The following APP variants were observed in gnomAD, a reference collection of about 807,000 sequenced individuals.
The protein encoded by APP is amyloid-beta precursor protein.
APP carries 31 observed loss-of-function variants against 101.4 expected under a neutral mutation model. That is an observed-to-expected ratio of 0.31 (90% CI 0.23 to 0.41). APP has a LOEUF of 0.41. APP is among the 10% of genes least tolerant of loss of function. The pLI is 1.00. For missense variants in APP, 839 were observed against 1,003.7 expected (o/e 0.84, Z 2.22); for synonymous variants, 366 against 364.4 (o/e 1.00, Z -0.05).
At chr21:25,957,215 A>G (rs1341960739) in intron 11 of APP, among the ~76,000 whole-genome samples, 2 of 152,140 alleles carry the variant, frequency 1.3e-5, no homozygotes, top group Non-Finnish European at 2.9e-5. Flanking sequence ...ACTTATTACA[A>G]CTCTCATCTG....
chr21:26,130,067 G>A (rs143353984), intron 1 of APP, among the ~76,000 whole-genome samples: 7 of 152,208 alleles, frequency 4.6e-5, no homozygotes, highest in Non-Finnish European at 7.4e-5. Flanking sequence ...ATATTGAAAC[G>A]TTGTGCTAAA....
chr21:26,015,607 C>G (rs2044019087), intron 6 of APP, among the ~76,000 whole-genome samples: 1 of 152,114 alleles, frequency 6.6e-6, no homozygotes, highest in Admixed American at 6.6e-5. Context: ...ACCATCTACA[C>G]TACACACATA....
chr21:26,077,995 T>C (rs2061530313), intron 3 of APP, among the ~76,000 whole-genome samples: 1 of 152,198 alleles, frequency 6.6e-6, no homozygotes, highest in African/African-American at 2.4e-5. Flanking sequence ...TAACAGCCTT[T>C]GACACTGAAA....
Position 26,170,553 on chromosome 21 carries a change from G to A in APP, c.57+11C>T. The A allele has an allele frequency of 6.5e-7, 1 of 1,537,474 alleles. No individual in the cohort carries two copies. ...GCAGCCTCCCCCCGCCTTCCGAGGC[G>A]CGGCACCCACCTCCAGCGCCCGAGC... On this transcript the variant is annotated intron_variant, in intron 1 of 17. Transcript: ENST00000346798.
intron 3 of APP, among the ~76,000 whole-genome samples, chr21:26,070,458 G>A (rs2046627227): frequency 6.6e-6 from 1 of 152,100 alleles, no homozygotes; most frequent in Non-Finnish European, 1.5e-5. Flanking sequence ...AATGCCCCTG[G>A]AGAATTTTGA....
intron 3 of APP, among the ~76,000 whole-genome samples, chr21:26,071,439 G>A (rs1044164088): frequency 6.6e-6 from 1 of 152,172 alleles, no homozygotes; most frequent in Non-Finnish European, 1.5e-5. Context: ...AAGCTTAAAA[G>A]TAAGGTCCTG....
At chr21:25,966,648 G>A (rs1332685397) in intron 11 of APP, among the ~76,000 whole-genome samples, 1 of 152,166 alleles carries the variant, frequency 6.6e-6, no homozygotes, top group African/African-American at 2.4e-5. Context: ...TTGCTTTGGA[G>A]ATATATGCTA....
intron 11 of APP, among the ~76,000 whole-genome samples, chr21:25,963,446 C>T (rs2041666632): frequency 2.0e-5 from 3 of 152,090 alleles, no homozygotes. Flanking sequence ...GTTTAAAAGC[C>T]CTGGGCATAA....
chr21:25,999,810 A>G (rs1352627017), intron 7 of APP, among the ~76,000 whole-genome samples: 3 of 152,212 alleles, frequency 2.0e-5, no homozygotes, highest in Non-Finnish European at 4.4e-5. Flanking sequence ...ATCCATGGCC[A>G]TGCTTTATCA....
At chr21:26,054,686 G>C (rs1245001397) in intron 3 of APP, among the ~76,000 whole-genome samples, 1 of 135,602 alleles carries the variant, frequency 7.4e-6, no homozygotes, top group Non-Finnish European at 1.5e-5. Flanking sequence ...GATCAGCATA[G>C]TGAAACCATG....
At chr21:26,153,183 T>C (rs926986677) in intron 1 of APP, among the ~76,000 whole-genome samples, 12 of 152,054 alleles carry the variant, frequency 7.9e-5, no homozygotes, top group African/African-American at 2.9e-4. Context: ...AAAGAAAAAC[T>C]AGACATTAGG....
At chr21:25,899,059 A>G (rs1225563064) in intron 15 of APP, among the ~76,000 whole-genome samples, 1 of 152,230 alleles carries the variant, frequency 6.6e-6, no homozygotes, top group Non-Finnish European at 1.5e-5. Flanking sequence ...CAATTGTTCA[A>G]AAAGCTTCCA....
chr21:26,137,301 G>A (rs1465369065), intron 1 of APP, among the ~76,000 whole-genome samples: 12 of 152,194 alleles, frequency 7.9e-5, no homozygotes, highest in African/African-American at 1.2e-4. Flanking sequence ...AGAAGGTTAA[G>A]GTTTCAATGA....
intron 15 of APP, among the ~76,000 whole-genome samples, chr21:25,900,987 C>CAAAAAAAAAAAAAAAA (rs71183520): frequency 3.9e-4 from 46 of 118,558 alleles, no homozygotes; most frequent in African/African-American, 1.9e-3. Flanking sequence ...GACTCCATCT[C>CAAAAAAAAAAAAAAAA]AAAAAAAAAA....
chr21:26,136,165 AAAGAAAAG>A (rs1439738655), intron 1 of APP, among the ~76,000 whole-genome samples: 9 of 43,772 alleles, frequency 2.1e-4, no homozygotes, highest in East Asian at 1.4e-3. Flanking sequence ...AAAAGAAAAG[AAAGAAAAG>A]AAAGAAAGAA....
At chr21:26,135,929 C>T (rs1218671365) in intron 1 of APP, among the ~76,000 whole-genome samples, 8 of 151,618 alleles carry the variant, frequency 5.3e-5, no homozygotes, top group African/African-American at 1.9e-4. Flanking sequence ...GTCAGAAGTT[C>T]GAGACCAGCC....
intron 3 of APP, among the ~76,000 whole-genome samples, chr21:26,081,300 G>A (rs985415267): frequency 6.9e-6 from 1 of 144,480 alleles, no homozygotes; most frequent in African/African-American, 2.4e-5. Flanking sequence ...GGCAGGCTGA[G>A]TCCGAAAAAG....
chr21:26,077,206 A>G (rs2061514634), intron 3 of APP, among the ~76,000 whole-genome samples: 1 of 152,210 alleles, frequency 6.6e-6, no homozygotes, highest in Non-Finnish European at 1.5e-5. Flanking sequence ...GGTCATAAAA[A>G]TCATTCACGG....
chr21:26,021,981 C>T lies in APP; in HGVS notation c.724G>A (p.Ala242Thr), dbSNP rs985373593. 8 of 1,613,588 alleles carry T rather than the reference C, an allele frequency of 5.0e-6. No individual in the cohort carries two copies. The highest frequency in any genetic ancestry group is 3.3e-4 in the Middle Eastern group (2 of 6,074). The change falls in exon 6 of 18, where the codon GCC (alanine) becomes ACC (threonine). Residue 242 changes from alanine (A) to threonine (T), a missense_variant. By Grantham distance (58) the Ala-to-Thr change is moderately conservative. Transcript: ENST00000346798. The part of the protein sequence containing the change: ...EEVAEVEEEE[A>T]DDDEDDEDGD... Reference sequence around the variant, plus strand: ...TCCTCATCGTCCTCGTCATCATCGGCTTCTTCTTCTTCCACCTCAGCCACT... The same window carrying T: ...TCCTCATCGTCCTCGTCATCATCGGTTTCTTCTTCTTCCACCTCAGCCACT...
Sources: allele counts gnomAD v4.1 joint callset (sites outside exome capture counted in the v4.1 genomes callset), GRCh38; gene constraint gnomAD v4.1.1; transcripts MANE v1.5; gene names NCBI Gene and HGNC (gene_info 2026-07-23, HGNC 2026-07-21).